Variants in CARF observed in about 807,000 individuals in gnomAD.
CARF encodes the protein calcium responsive transcription factor, also known as calcium-responsive transcription factor.
A neutral mutation model predicts 82.0 loss-of-function variants in CARF; 57 were observed. That is an observed-to-expected ratio of 0.70 (90% CI 0.56 to 0.87). CARF has a LOEUF of 0.87. CARF is among the 40% of genes least tolerant of loss of function. The pLI, the probability that CARF is intolerant of heterozygous loss-of-function variation, is 0.00. For missense variants in CARF, 771 were observed against 855.8 expected (o/e 0.90, Z 1.24); for synonymous variants, 268 against 290.1 (o/e 0.92, Z 0.77).
chr2:202,938,362 C>A (rs1047282480), intron 3 of CARF: 1 of 152,182 alleles, frequency 6.6e-6, no homozygotes, highest in Non-Finnish European at 1.5e-5. Flanking sequence ...AAGCAGTTTT[C>A]GTGCCTTAGT....
chr2:202,917,034 C>A (rs1486120440), intron 1 of CARF, among the ~76,000 whole-genome samples: 2 of 151,776 alleles, frequency 1.3e-5, no homozygotes, highest in Non-Finnish European at 2.9e-5. Flanking sequence ...CACGGTGAAA[C>A]CCTGTCTCTA....
At chr2:202,930,535 T>C (rs999779295) in intron 3 of CARF, among the ~76,000 whole-genome samples, 3 of 152,250 alleles carry the variant, frequency 2.0e-5, no homozygotes, top group African/African-American at 7.2e-5. Flanking sequence ...TTTCATTCAT[T>C]GAATTCTTCA....
At chr2:202,947,166 C>T (rs1434392497) in intron 5 of CARF, among the ~76,000 whole-genome samples, 3 of 152,166 alleles carry the variant, frequency 2.0e-5, no homozygotes, top group African/African-American at 7.2e-5. Flanking sequence ...TCTATAAAGA[C>T]ACATGGACAT....
At chr2:202,980,022 A>G (rs2060184272) in intron 14 of CARF, among the ~76,000 whole-genome samples, 1 of 152,130 alleles carries the variant, frequency 6.6e-6, no homozygotes, top group Non-Finnish European at 1.5e-5. Flanking sequence ...CAGTGGGACG[A>G]TCTTGGCTCA....
chr2:202,974,867 C>T (rs1378426011), intron 13 of CARF, among the ~76,000 whole-genome samples: 1 of 151,936 alleles, frequency 6.6e-6, no homozygotes, highest in Non-Finnish European at 1.5e-5. Context: ...CCACTGTACT[C>T]CAGCCTGGGA....
At chr2:202,964,441 A>G (rs1403199635) in intron 9 of CARF, among the ~76,000 whole-genome samples, 1 of 151,894 alleles carries the variant, frequency 6.6e-6, no homozygotes, top group Non-Finnish European at 1.5e-5. Flanking sequence ...CACCATGCTC[A>G]GCTAATTTTT....
rs769872639 is a variant in CARF, at chr2:202,974,507, A to G, written c.1494+11A>G. 1.9e-6 allele frequency: 3 copies of G among 1,587,340 alleles called. No individual in the cohort carries two copies. The African/African-American group carries it at 4.1e-5, about 22-fold the overall frequency. Reference sequence around the variant, plus strand: ...ATTATTCCAGCAACGGTATGATTACAACCATAATTCCTTATTACAGAGTCT... The same window carrying G: ...ATTATTCCAGCAACGGTATGATTACGACCATAATTCCTTATTACAGAGTCT... On this transcript the variant is annotated intron_variant, in intron 13 of 16. Coordinates refer to ENST00000438828, the MANE Select transcript of CARF (RefSeq NM_024744.17).
In CARF at chr2:202,982,311, T is replaced by G. The variant is rs2105947411; in HGVS notation, c.1929T>G (p.Val643=). 1.2e-6 allele frequency: 2 copies of G among 1,614,156 alleles called. No homozygotes were observed. The highest frequency in any genetic ancestry group is 2.2e-5 in the East Asian group (1 of 44,872). ...TTCCAGAACCAGATCAAAATCTAGT[T>G]GCAATGGACGAGCTGGTAGAAGTTG... ...GNLPEPDQNL[V]AMDELVEVGD... Residue 643 remains valine, a synonymous_variant, in exon 16 of 17, where the codon GTT becomes GTG. Transcript: ENST00000438828.
At chr2:202,921,553 A>G (rs995314658) in intron 2 of CARF, among the ~76,000 whole-genome samples, 2 of 152,210 alleles carry the variant, frequency 1.3e-5, no homozygotes, top group African/African-American at 4.8e-5. Flanking sequence ...TATAAAACAC[A>G]CAGAATATAA....
Position 202,979,812 on chromosome 2 carries a change from GAAAGA to G in CARF, c.1559-1730_1559-1726del, listed in dbSNP as rs1196685283. Among the ~76,000 whole-genome samples the G allele has an allele frequency of 6.0e-5, 9 of 150,740 alleles. 1 individual carries two copies. Among genetic ancestry groups the G allele is most frequent in the Non-Finnish European group, 1.0e-4 (7 of 67,614 alleles). On this transcript the variant is annotated intron_variant, in intron 14 of 16. Transcript: ENST00000438828. ...CAAGACTGTCTCAAAAAAAAAAAAA[GAAAGA>G]AAAGAAAAGAAACTGAGTTATATAG...
At chr2:202,973,015 G>A (rs2059866575) in intron 12 of CARF, among the ~76,000 whole-genome samples, 1 of 152,096 alleles carries the variant, frequency 6.6e-6, no homozygotes, top group Admixed American at 6.6e-5. Context: ...GGCCTCAAGT[G>A]ATGCACCCAA....
chr2:202,936,332 A>G (rs1225066050), intron 3 of CARF, among the ~76,000 whole-genome samples: 1 of 152,168 alleles, frequency 6.6e-6, no homozygotes, highest in Non-Finnish European at 1.5e-5. Flanking sequence ...AAAATGAAGA[A>G]TTTACTGACA....
rs1045393935 is a variant in CARF at position 202,983,852 on chromosome 2, A to G, written c.*228A>G. 2 of 427,896 alleles carry G rather than the reference A, an allele frequency of 4.7e-6. No homozygotes were observed. Among genetic ancestry groups the G allele is most frequent in the Non-Finnish European group, 4.1e-6 (1 of 244,918 alleles). The allele number at this position is 427,896 out of a possible 1,614,324, so 26.5% of individuals were successfully genotyped here. A position where few individuals can be genotyped will look rare whatever the true frequency, so the allele number is the denominator to read the frequency against. On this transcript the variant is annotated 3_prime_UTR_variant, in exon 17 of 17. Transcript: ENST00000438828. ...AATTTTTATGCTCTTTGATTATCTA[A>G]TAAGGCCAGTATTTCAAAAGCTGTT... is the stretch of plus-strand genomic sequence containing the variant.
Position 202,986,868 on chromosome 2 carries a change from G to GTATGTATATATATATATA in CARF, c.*3247_*3248insGTATATATATATATATAT, listed in dbSNP as rs1491098285. Reference sequence around the variant, plus strand: ...AAAGAGGTTTAAAAAATGTCTGTGCGTATATATATATATATATATATATAT... The same window carrying GTATGTATATATATATATA: ...AAAGAGGTTTAAAAAATGTCTGTGCGTATGTATATATATATATATATATATATATATATATATATATAT... On this transcript the variant is annotated 3_prime_UTR_variant, in exon 17 of 17. Transcript: ENST00000438828. 1.7e-4 allele frequency: 5 copies of GTATGTATATATATATATA among 29,650 alleles called. No individual in the cohort carries two copies. The highest frequency in any genetic ancestry group is 3.8e-4 in the African/African-American group (5 of 13,024). The allele number at this position is 29,650 out of a possible 1,614,324, so 1.8% of individuals were successfully genotyped here.
chr2:202,983,461 C>A, intron 16 of CARF, 45 bp from the exon 17 acceptor site: 1 of 1,234,614 alleles, frequency 8.1e-7, no homozygotes, highest in Non-Finnish European at 1.2e-6. Context: ...CTTCCAGTGT[C>A]ATGAAATAGA....
chr2:202,973,581 C>G, intron 12 of CARF: 1 of 339,148 alleles, frequency 2.9e-6, no homozygotes, highest in Non-Finnish European at 5.7e-6. Flanking sequence ...CTCTTATTTA[C>G]TAGGTAGGTG....
intron 14 of CARF, among the ~76,000 whole-genome samples, chr2:202,980,840 A>G (rs1380857256): frequency 1.3e-5 from 2 of 151,614 alleles, no homozygotes; most frequent in Non-Finnish European, 2.9e-5. Flanking sequence ...TAGGTAATCC[A>G]GAGAGGATTT....
In CARF at chr2:202,917,917, A is replaced by G. The variant is rs1336963104; in HGVS notation, c.-289A>G. The stretch of plus-strand genomic sequence containing the variant: ...GAAGACCCAATTAAAGCTTTCACAT[A>G]AATGAAGCTACAGCTATCATGATTT... On this transcript the variant is annotated 5_prime_UTR_variant, in exon 2 of 17. The change creates a new upstream start codon in the 5' untranslated region. Coordinates refer to ENST00000438828, the MANE Select transcript of CARF (RefSeq NM_024744.17). 1 of 351,994 alleles carries G rather than the reference A, an allele frequency of 2.8e-6. No homozygotes were observed. Among genetic ancestry groups the G allele is most frequent in the African/African-American group, 2.2e-5 (1 of 45,798 alleles). The allele number at this position is 351,994 out of a possible 1,614,324, so 21.8% of individuals were successfully genotyped here.
Position 202,982,419 on chromosome 2 carries a change from T to G in CARF, c.2037T>G (p.Ile679Met). 2.5e-6 allele frequency: 4 copies of G among 1,614,032 alleles called. No individual in the cohort carries two copies. Among genetic ancestry groups the G allele is most frequent in the Non-Finnish European group, 3.4e-6 (4 of 1,179,980 alleles). ...LGDVQTIPIQIIDNHSALIEE... is the reference protein window; with the variant it reads ...LGDVQTIPIQMIDNHSALIEE... ...ATGTGCAGACTATTCCAATACAGAT[T>G]ATAGACAACCACTCAGCTCTTAGTA... The change falls in exon 16 of 17, where the codon ATT (isoleucine) becomes ATG (methionine). Residue 679 changes from isoleucine (I) to methionine (M), a missense_variant. Physicochemically the swap from Ile to Met is conservative, Grantham distance 10. Transcript: ENST00000438828.
Sources: gnomAD v4.1 joint callset for allele counts (sites outside exome capture counted in the v4.1 genomes callset) on GRCh38, gnomAD v4.1.1 for gene constraint, MANE v1.5 for transcripts, NCBI Gene and HGNC (gene_info 2026-07-23, HGNC 2026-07-21) for gene names.